Variants in PCDH9 observed in about 807,000 individuals in gnomAD.
PCDH9 encodes the protein protocadherin-9.
Under a neutral mutation model 70.6 loss-of-function variants are expected in PCDH9, and 24 were observed. The ratio of observed to expected loss-of-function variants is 0.34; its 90% CI spans 0.25 to 0.48. PCDH9 has a LOEUF of 0.48. PCDH9 is among the 20% of genes least tolerant of loss of function. PCDH9 has a pLI of 0.99. For synonymous variants in PCDH9, 562 were observed against 558.5 expected (o/e 1.01, Z -0.09); for missense variants, 1,281 against 1,503.6 (o/e 0.85, Z 2.45).
chr13:67,031,109 T>C (rs558318669), intron 2 of PCDH9, among the ~76,000 whole-genome samples: 130 of 152,326 alleles, frequency 8.5e-4, no homozygotes, highest in Non-Finnish European at 1.4e-3. Context: ...TTGAGTTATC[T>C]GTAACTAATT....
intron 4 of PCDH9, among the ~76,000 whole-genome samples, chr13:66,410,839 T>A (rs1957357956): frequency 6.6e-6 from 1 of 152,216 alleles, no homozygotes; most frequent in East Asian, 1.9e-4. Flanking sequence ...TTTTTAGTTA[T>A]TTTTCTTCCT....
chr13:66,399,206 T>C, intron 4 of PCDH9, among the ~76,000 whole-genome samples: 1 of 152,184 alleles, frequency 6.6e-6, no homozygotes, highest in East Asian at 1.9e-4. Flanking sequence ...AGTATTCAAT[T>C]ATCTTTCTCT....
intron 3 of PCDH9, among the ~76,000 whole-genome samples, chr13:66,881,284 T>C (rs2081916934): frequency 6.6e-6 from 1 of 152,218 alleles, no homozygotes; most frequent in South Asian, 2.1e-4. Context: ...GAAAGAGGTT[T>C]AACTGGACTC....
At chr13:67,048,933 A>T (rs1157634881) in intron 2 of PCDH9, among the ~76,000 whole-genome samples, 1 of 152,220 alleles carries the variant, frequency 6.6e-6, no homozygotes, top group East Asian at 1.9e-4. Flanking sequence ...AAGACATTAC[A>T]ACACTGAAAT....
At chr13:67,141,088 T>C (rs2087374360) in intron 2 of PCDH9, among the ~76,000 whole-genome samples, 1 of 152,152 alleles carries the variant, frequency 6.6e-6, no homozygotes, top group Non-Finnish European at 1.5e-5. Flanking sequence ...AATAAAAATA[T>C]GTGATTAATG....
chr13:66,719,543 T>A (rs761490485), intron 3 of PCDH9, among the ~76,000 whole-genome samples: 7 of 152,180 alleles, frequency 4.6e-5, no homozygotes, highest in Non-Finnish European at 8.8e-5. Flanking sequence ...TAGCTTGATC[T>A]TAGACTTCCT....
rs1197738215 is a variant in PCDH9 at position 66,304,023 on chromosome 13, AAAG to A, written c.*629_*631del. The A allele has an allele frequency of 8.5e-5, 13 of 152,488 alleles. No individual in the cohort carries two copies. Among genetic ancestry groups the A allele is most frequent in the African/African-American group, 2.7e-4 (11 of 41,434 alleles). 9.4% of individuals were successfully genotyped at this position (152,488 alleles called of 1,614,324 possible). A position where few individuals can be genotyped will look rare whatever the true frequency, so the allele number is the denominator to read the frequency against. On this transcript the variant is annotated 3_prime_UTR_variant, in exon 5 of 5. Coordinates refer to ENST00000377865, the MANE Select transcript of PCDH9 (RefSeq NM_203487.3). ...AAAATAACAACAAAGAGGTAAATAA[AAAG>A]AAGGACAGAAGCAACCATAAAACAC...
At chr13:67,171,717 G>A (rs1393370828) in intron 2 of PCDH9, among the ~76,000 whole-genome samples, 3 of 152,090 alleles carry the variant, frequency 2.0e-5, no homozygotes, top group Admixed American at 6.5e-5. Context: ...TATTGGTTCT[G>A]TGACCTTGGA....
intron 4 of PCDH9, among the ~76,000 whole-genome samples, chr13:66,467,156 A>G (rs1171324475): frequency 6.6e-6 from 1 of 152,104 alleles, no homozygotes; most frequent in Non-Finnish European, 1.5e-5. Context: ...TAAGGAATAC[A>G]GCAAATCACT....
intron 2 of PCDH9, among the ~76,000 whole-genome samples, chr13:66,935,602 A>G (rs1202606310): frequency 6.6e-6 from 1 of 152,212 alleles, no homozygotes; most frequent in Non-Finnish European, 1.5e-5. Flanking sequence ...TAATTATTAC[A>G]TAATAGTTGT....
intron 2 of PCDH9, among the ~76,000 whole-genome samples, chr13:67,188,735 A>T (rs1180993641): frequency 6.6e-6 from 1 of 152,134 alleles, no homozygotes; most frequent in Non-Finnish European, 1.5e-5. Flanking sequence ...TCTATTTTTT[A>T]AAAACTAAAC....
At chr13:67,071,632 T>C (rs2085764897) in intron 2 of PCDH9, among the ~76,000 whole-genome samples, 1 of 152,084 alleles carries the variant, frequency 6.6e-6, no homozygotes. Context: ...GACTCATACC[T>C]GTAATCCCAG....
chr13:66,749,228 C>T (rs916556715), intron 3 of PCDH9, among the ~76,000 whole-genome samples: 1 of 152,124 alleles, frequency 6.6e-6, no homozygotes, highest in African/African-American at 2.4e-5. Context: ...GATGTGGGTG[C>T]AGGGAGCACT....
At chr13:66,999,366 A>G (rs993237269) in intron 2 of PCDH9, among the ~76,000 whole-genome samples, 3 of 152,210 alleles carry the variant, frequency 2.0e-5, no homozygotes, top group Non-Finnish European at 4.4e-5. Context: ...AGCAAACCCA[A>G]TTATAGTTCT....
At chr13:66,782,443 T>C (rs569149773) in intron 3 of PCDH9, among the ~76,000 whole-genome samples, 74 of 152,120 alleles carry the variant, frequency 4.9e-4, no homozygotes, top group Non-Finnish European at 7.8e-4. Context: ...AATGTGGTAG[T>C]CACAACACAC....
At chr13:66,837,518 T>C (rs1951475950) in intron 3 of PCDH9, among the ~76,000 whole-genome samples, 1 of 152,182 alleles carries the variant, frequency 6.6e-6, no homozygotes, top group South Asian at 2.1e-4. Context: ...GCCTTTTTAA[T>C]GACTTTACTG....
chr13:66,476,558 T>C (rs995846931), intron 4 of PCDH9, among the ~76,000 whole-genome samples: 1 of 152,070 alleles, frequency 6.6e-6, no homozygotes, highest in Non-Finnish European at 1.5e-5. Flanking sequence ...AAGACGAGTA[T>C]ACATTCTCAA....
chr13:66,549,271 T>C (rs1961361114), intron 4 of PCDH9, among the ~76,000 whole-genome samples: 1 of 152,044 alleles, frequency 6.6e-6, no homozygotes, highest in Non-Finnish European at 1.5e-5. Flanking sequence ...TGTTAAGAAG[T>C]TGGAGTTTTG....
chr13:66,463,020 T>C (rs1331520566), intron 4 of PCDH9, among the ~76,000 whole-genome samples: 2 of 151,906 alleles, frequency 1.3e-5, no homozygotes, highest in Non-Finnish European at 2.9e-5. Flanking sequence ...ATGCATTGCA[T>C]GATGTGTGCC....
Sources: allele counts gnomAD v4.1 joint callset (sites outside exome capture counted in the v4.1 genomes callset), GRCh38; gene constraint gnomAD v4.1.1; transcripts MANE v1.5; gene names NCBI Gene and HGNC (gene_info 2026-07-23, HGNC 2026-07-21).